GIGYF2: variants seen among roughly 807,000 people sequenced by gnomAD.
The protein encoded by GIGYF2 is GRB10-interacting GYF protein 2.
A neutral mutation model predicts 208.1 loss-of-function variants in GIGYF2; 25 were observed. The ratio of observed to expected loss-of-function variants is 0.12; its 90% CI spans 0.09 to 0.17. The LOEUF (loss-of-function observed/expected upper bound fraction) is 0.17, where lower values mean the gene tolerates loss of function less well. Among genes scored for constraint, GIGYF2 ranks in the 10% least tolerant of loss-of-function variants. The pLI is 1.00. For synonymous variants in GIGYF2, 534 were observed against 543.8 expected (o/e 0.98, Z 0.25); for missense variants, 1,302 against 1,579.4 (o/e 0.82, Z 2.98).
chr2:232,822,603 C>T lies in GIGYF2; in HGVS notation c.2529+2618C>T, dbSNP rs931761045. Among the ~76,000 whole-genome samples, 16 of 152,104 alleles carry T rather than the reference C, an allele frequency of 1.1e-4. No homozygotes were observed. In the East Asian group the frequency reaches 2.3e-3, roughly 22 times the overall value. On this transcript the variant is annotated intron_variant, in intron 21 of 28. Transcript: ENST00000373563. The stretch of plus-strand genomic sequence containing the variant: ...GGCTGAGGCAGGAGAACTGCTTGAA[C>T]GCGGGAGGCGGAGGTTGCAGTGACC...
Position 232,858,218 on chromosome 2 carries a change from G to A in GIGYF2, c.*1358G>A. 3 of 330,562 alleles carry A rather than the reference G, an allele frequency of 9.1e-6. No homozygotes were observed. The highest frequency in any genetic ancestry group is 1.2e-5 in the Non-Finnish European group (2 of 171,964). 20.5% of individuals were successfully genotyped at this position (330,562 alleles called of 1,614,324 possible). The stretch of plus-strand genomic sequence containing the variant: ...GCTGTGCCTGTGCGAGAGGTGCTGT[G>A]GTCTGGGCAGCCCCTGGAAAAGCAC... On this transcript the variant is annotated 3_prime_UTR_variant, in exon 29 of 29. Coordinates refer to ENST00000373563, the MANE Select transcript of GIGYF2 (RefSeq NM_001103146.3).
intron 20 of GIGYF2, 39 bp downstream of exon 20, chr2:232,817,071 G>C: frequency 6.9e-7 from 1 of 1,454,848 alleles, no homozygotes; most frequent in Non-Finnish European, 9.7e-7. Context: ...ATTAGTGCTT[G>C]ATGAGGGCTT....
chr2:232,802,078 G>A (rs1236887038), intron 14 of GIGYF2, among the ~76,000 whole-genome samples: 2 of 152,144 alleles, frequency 1.3e-5, no homozygotes, highest in East Asian at 1.9e-4. Flanking sequence ...TTCATTGTTG[G>A]TGTATAGAAA....
At chr2:232,850,114 T>G in intron 27 of GIGYF2, 148 bp from the exon 28 acceptor site, 1 of 752,494 alleles carries the variant, frequency 1.3e-6, no homozygotes, top group Non-Finnish European at 2.3e-6. Flanking sequence ...CCGCTCTTGA[T>G]TTTATTATTA....
intron 8 of GIGYF2, chr2:232,776,596 A>G: frequency 1.0e-5 from 7 of 697,472 alleles, no homozygotes; most frequent in Non-Finnish European, 1.3e-5. Flanking sequence ...TCTGTTTATA[A>G]TGTTGTGGGG....
In GIGYF2 at chr2:232,737,852, G is replaced by A. The variant is rs541814127; in HGVS notation, c.41+2614G>A. Among the ~76,000 whole-genome samples, 4 of 151,654 alleles carry A rather than the reference G, an allele frequency of 2.6e-5. No homozygotes were observed. The South Asian group carries it at 6.3e-4, about 24-fold the overall frequency. On this transcript the variant is annotated intron_variant, in intron 3 of 28. Transcript: ENST00000373563. ...TGTATCTGGGGACAATTGTGAAGAT[G>A]GGAGAAAATTGAAAATTTTGGTAGG...
At chr2:232,742,030 T>C (rs7606090) in intron 3 of GIGYF2, among the ~76,000 whole-genome samples, 48,914 of 148,220 alleles carry the variant, frequency 0.33, 8,231 homozygotes, top group South Asian at 0.62. Flanking sequence ...ATCTCCTTCC[T>C]AGCACCTCTC....
chr2:232,755,168 CTTCT>C (rs1698485937), intron 5 of GIGYF2, among the ~76,000 whole-genome samples: 1 of 151,842 alleles, frequency 6.6e-6, no homozygotes, highest in Non-Finnish European at 1.5e-5. Context: ...TTTTACCTTA[CTTCT>C]TTCTTTCTGT....
At chr2:232,706,648 C>T (rs917652595) in intron 2 of GIGYF2, among the ~76,000 whole-genome samples, 1 of 151,970 alleles carries the variant, frequency 6.6e-6, no homozygotes, top group African/African-American at 2.4e-5. Flanking sequence ...TGTGGTGGCA[C>T]GTGCCTGTAG....
intron 12 of GIGYF2, among the ~76,000 whole-genome samples, chr2:232,793,510 A>G (rs991356799): frequency 6.6e-6 from 1 of 152,190 alleles, no homozygotes; most frequent in Non-Finnish European, 1.5e-5. Context: ...GCCATTCACC[A>G]TAGAGGAGCA....
chr2:232,844,499 G>C lies in GIGYF2; in HGVS notation c.3230G>C (p.Gly1077Ala), dbSNP rs538735187. 4.3e-6 allele frequency: 7 copies of C among 1,613,630 alleles called. No homozygotes were observed. In the African/African-American group the frequency reaches 8.0e-5, roughly 18 times the overall value. ...GCTGACACTAAAAACTCCAACATGG[G>C]ATTCTGGGATGATGCAGTGAAAGAG... Reference protein sequence around the residue: ...SNADTKNSNMGFWDDAVKEVG... With the variant: ...SNADTKNSNMAFWDDAVKEVG... Residue 1077 changes from glycine to alanine, a missense_variant, in exon 25 of 29, where the codon GGA becomes GCA. Transcript: ENST00000373563.
chr2:232,774,107 C>T (rs1699405361), intron 8 of GIGYF2, among the ~76,000 whole-genome samples: 1 of 150,552 alleles, frequency 6.6e-6, no homozygotes, highest in Admixed American at 6.6e-5. Context: ...CATAGCGAGA[C>T]CCTGTCTCTA....
At chr2:232,773,545 AAGGTCTTT>A (rs1699367629) in intron 8 of GIGYF2, among the ~76,000 whole-genome samples, 1 of 152,186 alleles carries the variant, frequency 6.6e-6, no homozygotes, top group Non-Finnish European at 1.5e-5. Context: ...CATTCTCAAG[AAGGTCTTT>A]GATAGCCAAA....
chr2:232,806,484 G>A lies in GIGYF2; in HGVS notation c.1640-7G>A. On this transcript the variant is annotated splice_region_variant and splice_polypyrimidine_tract_variant and intron_variant, in intron 14 of 28. Coordinates refer to ENST00000373563, the MANE Select transcript of GIGYF2 (RefSeq NM_001103146.3). This position sits in a 1 kb window ranked among gnomAD's most constrained non-coding sequence, Gnocchi z 4.0. The stretch of plus-strand genomic sequence containing the variant: ...ATTGTCTTTCTGTTTAATTGGTGCT[G>A]TTATAGGTCCCTTCAATAATCAGGA... The A allele has an allele frequency of 1.3e-6, 2 of 1,586,974 alleles. No homozygotes were observed. The highest frequency in any genetic ancestry group is 8.7e-7 in the Non-Finnish European group (1 of 1,155,246).
intron 27 of GIGYF2, 50 bp downstream of exon 27, chr2:232,847,621 G>A (rs750830234): frequency 6.2e-7 from 1 of 1,604,168 alleles, no homozygotes; most frequent in East Asian, 2.2e-5. Context: ...AATACCTTTA[G>A]ATGTTGAGTA....
At chr2:232,809,913 T>C in intron 16 of GIGYF2, 102 bp downstream of exon 16, 1 of 766,796 alleles carries the variant, frequency 1.3e-6, no homozygotes, top group Non-Finnish European at 2.4e-6. Flanking sequence ...GACTAACGGC[T>C]TATATGGCAC....
chr2:232,777,510 T>C (rs180803782), intron 8 of GIGYF2, among the ~76,000 whole-genome samples: 3 of 152,254 alleles, frequency 2.0e-5, no homozygotes, highest in Non-Finnish European at 2.9e-5. Context: ...AAGACTGTGA[T>C]TGTTCAAAGT....
intron 2 of GIGYF2, among the ~76,000 whole-genome samples, chr2:232,703,984 A>G (rs750606365): frequency 7.9e-5 from 12 of 152,236 alleles, no homozygotes; most frequent in Non-Finnish European, 1.0e-4. Flanking sequence ...GGAGCCACAT[A>G]TGAACTTAGG....
At chr2:232,855,509 G>A (rs1204445421) in intron 28 of GIGYF2, among the ~76,000 whole-genome samples, 1 of 152,202 alleles carries the variant, frequency 6.6e-6, no homozygotes, top group Non-Finnish European at 1.5e-5. Flanking sequence ...TATATTTACA[G>A]TAGATCGAGT....
Sources: gnomAD v4.1 joint callset for allele counts (sites outside exome capture counted in the v4.1 genomes callset) on GRCh38, gnomAD v4.1.1 for gene constraint, Gnocchi (gnomAD v3.1) non-coding constraint, MANE v1.5 for transcripts, NCBI Gene and HGNC (gene_info 2026-07-23, HGNC 2026-07-21) for gene names.